Variants in CWF19L2 observed in about 807,000 individuals in gnomAD.
CWF19L2 encodes the protein CWF19 like cell cycle control factor 2.
CWF19L2 carries 98 observed loss-of-function variants against 111.7 expected under a neutral mutation model. The observed-to-expected ratio is 0.88, with a 90% CI of 0.75 to 1.04. The LOEUF (loss-of-function observed/expected upper bound fraction) is 1.04. Among genes scored for constraint, CWF19L2 ranks in the 50% least tolerant of loss-of-function variants. The pLI is 0.00. For synonymous variants in CWF19L2, 351 were observed against 342.9 expected, an observed-to-expected ratio of 1.02 and a Z score of -0.26; for missense variants, 1,101 against 1,051.4, an observed-to-expected ratio of 1.05 and a Z score of -0.65.
chr11:107,390,406 T>C (rs1472995078), intron 11 of CWF19L2, among the ~76,000 whole-genome samples, 195 bp from the exon 12 acceptor site: 1 of 152,198 alleles, frequency 6.6e-6, no homozygotes, highest in African/African-American at 2.4e-5. Context: ...TACTTCTACC[T>C]CTTTACTCTC....
chr11:107,426,139 G>T (rs916538005), intron 8 of CWF19L2, among the ~76,000 whole-genome samples: 12 of 151,350 alleles, frequency 7.9e-5, no homozygotes, highest in Middle Eastern at 3.4e-3. Context: ...AAATCTATTT[G>T]TATTACATGA....
At chr11:107,335,050 A>G in intron 15 of CWF19L2, 89 bp from the exon 16 acceptor site, 1 of 784,236 alleles carries the variant, frequency 1.3e-6, no homozygotes, top group Non-Finnish European at 2.2e-6. Context: ...CAAATTAATT[A>G]TGGGGTATAT....
Position 107,334,892 on chromosome 11 carries a change from T to C in CWF19L2, c.2428A>G (p.Ile810Val). 6.3e-7 allele frequency: 1 copy of C among 1,590,720 alleles called. No individual in the cohort carries two copies. The highest frequency in any genetic ancestry group is 8.6e-7 in the Non-Finnish European group (1 of 1,159,456). The change falls in exon 16 of 18, where the codon ATC becomes GTC. Residue 810 changes from isoleucine (I) to valine (V), a missense_variant. Transcript: ENST00000282251. ...KKLIDLSSKD[I>V]RKSVPRGLPY... The stretch of plus-strand genomic sequence containing the variant: ...AAAAACATACTTACAGACTTTCTGA[T>C]ATCTTTTGAAGAGAGATCTATCAAC...
chr11:107,373,327 C>G (rs1244835936), intron 12 of CWF19L2, among the ~76,000 whole-genome samples: 6 of 130,214 alleles, frequency 4.6e-5, no homozygotes, highest in Admixed American at 2.2e-4. Flanking sequence ...AGGGCACAGA[C>G]AAACAAAAAG....
intron 8 of CWF19L2, among the ~76,000 whole-genome samples, chr11:107,423,935 A>G (rs893879498): frequency 6.6e-6 from 1 of 151,854 alleles, no homozygotes; most frequent in Non-Finnish European, 1.5e-5. Context: ...AGCAAAAAAA[A>G]AAAGTATAAA....
Position 107,361,972 on chromosome 11 carries a change from G to A in CWF19L2, c.1873-8236C>T, listed in dbSNP as rs187479279. Among the ~76,000 whole-genome samples the A allele has an allele frequency of 4.4e-3, 668 of 152,326 alleles. 4 individuals carry two copies. The highest frequency in any genetic ancestry group is 0.015 in the African/African-American group (618 of 41,568). On this transcript the variant is annotated intron_variant, in intron 12 of 17. Coordinates refer to ENST00000282251, the MANE Select transcript of CWF19L2 (RefSeq NM_152434.3). ...GCGCAGGTTAGTGGGTGCACGCACC[G>A]TGCGTGAGCCGAAGCAGGGCGAGGC... is the stretch of plus-strand genomic sequence containing the variant.
chr11:107,369,683 A>T (rs1468810649), intron 12 of CWF19L2, among the ~76,000 whole-genome samples: 3 of 138,330 alleles, frequency 2.2e-5, no homozygotes, highest in Non-Finnish European at 4.7e-5. Context: ...TTTCAAAATT[A>T]CTTTAAGATT....
At chr11:107,439,967 G>C (rs504617) in intron 5 of CWF19L2, among the ~76,000 whole-genome samples, 26,907 of 152,170 alleles carry the variant, frequency 0.18, 2,566 homozygotes, top group Middle Eastern at 0.27. Flanking sequence ...GGCTGTGGCA[G>C]TAATCCAGGC....
At chr11:107,391,117 T>C (rs1243269848) in intron 11 of CWF19L2, among the ~76,000 whole-genome samples, 1 of 152,128 alleles carries the variant, frequency 6.6e-6, no homozygotes, top group Non-Finnish European at 1.5e-5. Context: ...CTTCCCTACT[T>C]TTGAGGTTTT....
At chr11:107,378,530 C>G (rs569011005) in intron 12 of CWF19L2, among the ~76,000 whole-genome samples, 17 of 152,240 alleles carry the variant, frequency 1.1e-4, no homozygotes, top group African/African-American at 4.1e-4. Flanking sequence ...AAAAACCAAA[C>G]ACCGCGTATT....
At chr11:107,361,156 T>C (rs1286508897) in intron 12 of CWF19L2, among the ~76,000 whole-genome samples, 2 of 152,236 alleles carry the variant, frequency 1.3e-5, no homozygotes, top group Non-Finnish European at 2.9e-5. Context: ...TCCAGTTTCA[T>C]ACTTCTTCTG....
intron 12 of CWF19L2, among the ~76,000 whole-genome samples, chr11:107,363,190 C>T (rs1210361382): frequency 2.0e-5 from 3 of 152,060 alleles, no homozygotes; most frequent in Admixed American, 2.0e-4. Context: ...ACCAAATCTA[C>T]GTCGGATTGG....
At chr11:107,387,641 G>A (rs1342900449) in intron 12 of CWF19L2, among the ~76,000 whole-genome samples, 1 of 152,014 alleles carries the variant, frequency 6.6e-6, no homozygotes, top group Admixed American at 6.5e-5. Flanking sequence ...GGGGGTGGGG[G>A]TGCTTTCAGG....
chr11:107,447,683 G>A (rs970531140), intron 3 of CWF19L2, among the ~76,000 whole-genome samples: 1 of 152,132 alleles, frequency 6.6e-6, no homozygotes, highest in African/African-American at 2.4e-5. Flanking sequence ...TATGCCAAAA[G>A]GAAACTCAAT....
intron 13 of CWF19L2, among the ~76,000 whole-genome samples, 187 bp downstream of exon 13, chr11:107,353,337 G>A (rs374814506): frequency 8.0e-4 from 122 of 152,080 alleles, no homozygotes; most frequent in Middle Eastern, 3.4e-3. Context: ...CTACAACCAG[G>A]GCTAGATGCT....
chr11:107,359,530 C>A (rs558699828), intron 12 of CWF19L2, among the ~76,000 whole-genome samples: 5 of 152,300 alleles, frequency 3.3e-5, no homozygotes, highest in African/African-American at 9.6e-5. Context: ...ACAGGAGTGA[C>A]TATTACCCTT....
At chr11:107,344,894 G>A (rs1860055737) in intron 14 of CWF19L2, among the ~76,000 whole-genome samples, 2 of 152,112 alleles carry the variant, frequency 1.3e-5, no homozygotes, top group South Asian at 2.1e-4. Flanking sequence ...CTGCCATATG[G>A]GGATAGAAGT....
At position 107,378,217 on chromosome 11, in the gene CWF19L2, C is replaced by T. The variant is rs1049214474; in HGVS notation, c.1872+11857G>A. 1.4e-4 allele frequency among the ~76,000 whole-genome samples: 21 copies of T among 149,164 alleles called. No individual in the cohort carries two copies. The East Asian group carries it at 2.0e-3, about 14-fold the overall frequency. On this transcript the variant is annotated intron_variant, in intron 12 of 17. Transcript: ENST00000282251. ...TGTGGAAGTCAGTGTGGCGATTCCT[C>T]GGGGATCTACAACTAGAAATACCAT...
chr11:107,431,300 T>C (rs924479415), intron 7 of CWF19L2, among the ~76,000 whole-genome samples: 4 of 151,896 alleles, frequency 2.6e-5, no homozygotes, highest in African/African-American at 4.8e-5. Context: ...GTTTAAAGAA[T>C]TGGCCGACCA....
Sources: gnomAD v4.1 joint callset for allele counts (sites outside exome capture counted in the v4.1 genomes callset) on GRCh38, gnomAD v4.1.1 for gene constraint, MANE v1.5 for transcripts, NCBI Gene and HGNC (gene_info 2026-07-23, HGNC 2026-07-21) for gene names.